The following BTNL2 variants were observed in gnomAD, a reference collection of about 807,000 sequenced individuals.
BTNL2 encodes butyrophilin like 2.
BTNL2 carries 46 observed loss-of-function variants against 46.8 expected under a neutral mutation model. That is an observed-to-expected ratio of 0.98 (90% CI 0.78 to 1.26). The LOEUF (loss-of-function observed/expected upper bound fraction) is 1.26, where lower values mean the gene tolerates loss of function less well. Among genes scored for constraint, BTNL2 ranks in the 50% most tolerant of loss-of-function variants. BTNL2 has a pLI of 0.00. For missense variants in BTNL2, 461 were observed against 592.6 expected, an observed-to-expected ratio of 0.78 and a Z score of 2.31; for synonymous variants, 226 against 229.1, an observed-to-expected ratio of 0.99 and a Z score of 0.12.
At chr6:32,405,842 C>G (rs1232826566) in intron 1 of BTNL2, among the ~76,000 whole-genome samples, 1 of 135,304 alleles carries the variant, frequency 7.4e-6, no homozygotes, top group South Asian at 2.8e-4. Flanking sequence ...TGTTTTTTTC[C>G]CGTCTGGAGT....
intron 2 of BTNL2, among the ~76,000 whole-genome samples, chr6:32,404,087 A>T (rs1244107120): frequency 6.6e-6 from 1 of 152,106 alleles, no homozygotes; most frequent in East Asian, 1.9e-4. Context: ...CACCTTGAAC[A>T]CAGTAACAGT....
chr6:32,395,132 AAAAGC>A, intron 5 of BTNL2, 107 bp from the exon 6 acceptor site: 4 of 1,219,032 alleles, frequency 3.3e-6, no homozygotes, highest in South Asian at 1.5e-5. Context: ...GGGAAGGGAG[AAAAGC>A]TTAAGGGGGA....
chr6:32,401,912 A>G (rs1331197659), intron 3 of BTNL2, 107 bp from the exon 4 acceptor site: 2 of 828,666 alleles, frequency 2.4e-6, no homozygotes, highest in East Asian at 2.9e-5. Flanking sequence ...GGGAAGCTCA[A>G]TTCATTAAAA....
chr6:32,405,380 T>A, intron 1 of BTNL2, 94 bp from the exon 2 acceptor site: 1 of 1,097,254 alleles, frequency 9.1e-7, no homozygotes, highest in Non-Finnish European at 1.4e-6. Flanking sequence ...TGGAGGCAAC[T>A]AGAAGAGGGA....
Position 32,396,083 on chromosome 6 carries a change from T to G in BTNL2, c.1034A>C (p.Lys345Thr). Residue 345 changes from lysine (K) to threonine (T), a missense_variant, in exon 5 of 8, where the codon AAA becomes ACA. Transcript: ENST00000454136. The surrounding 1 kb of genome is among the most constrained non-coding windows in gnomAD (Gnocchi z 4.4). ...DDGQYRCLFE[K>T]DDVYQEASLD... ...ACTGGCCTCCTGGTAGACATCATCT[T>G]TTTCAAAAAGGCAGCGGTACTGCCC... The G allele has an allele frequency of 6.2e-7, 1 of 1,613,090 alleles. No individual in the cohort carries two copies. The highest frequency in any genetic ancestry group is 8.5e-7 in the Non-Finnish European group (1 of 1,180,030).
At chr6:32,401,594 AAC>A (rs1776788759) in intron 4 of BTNL2, among the ~76,000 whole-genome samples, 189 bp downstream of exon 4, 1 of 152,206 alleles carries the variant, frequency 6.6e-6, no homozygotes, top group South Asian at 2.1e-4. Context: ...AGTGTCAGGT[AAC>A]ACAGCTGCAA....
chr6:32,393,617 C>A lies in BTNL2; in HGVS notation c.*7-228G>T. On this transcript the variant is annotated intron_variant, in intron 7 of 7. Coordinates refer to ENST00000454136, the MANE Select transcript of BTNL2 (RefSeq NM_001304561.2). The surrounding 1 kb of genome is among the most constrained non-coding windows in gnomAD (Gnocchi z 4.8). The stretch of plus-strand genomic sequence containing the variant: ...GATCATAGGAAATTGTTCACGCCAA[C>A]AAATCTCAGTGAACCTCAGCTCTCA... 5.8e-6 allele frequency: 1 copy of A among 172,394 alleles called. No homozygotes were observed. The highest frequency in any genetic ancestry group is 6.3e-5 in the Admixed American group (1 of 15,844). The allele number at this position is 172,394 out of a possible 1,614,324, so 10.7% of individuals were successfully genotyped here.
Position 32,394,721 on chromosome 6 carries a change from A to G in BTNL2, c.1360+23T>C. On this transcript the variant is annotated intron_variant, in intron 6 of 7. Coordinates refer to ENST00000454136, the MANE Select transcript of BTNL2 (RefSeq NM_001304561.2). The surrounding 1 kb of genome is among the most constrained non-coding windows in gnomAD (Gnocchi z 4.6). ...TCTTCATATTTATTTTCCAAACCTG[A>G]AGGAACATAAGGAATCACCAACCTG... The G allele has an allele frequency of 6.3e-7, 1 of 1,596,836 alleles. No homozygotes were observed. The highest frequency in any genetic ancestry group is 2.2e-5 in the East Asian group (1 of 44,544).
intron 1 of BTNL2, chr6:32,406,429 C>T (rs1441037192): frequency 6.6e-6 from 1 of 151,092 alleles, no homozygotes; most frequent in African/African-American, 2.5e-5. Context: ...AGAGCCTGCG[C>T]CCTCTGATGC....
At chr6:32,404,818 AG>A in intron 2 of BTNL2, 120 bp downstream of exon 2, 2 of 916,246 alleles carry the variant, frequency 2.2e-6, no homozygotes, top group Non-Finnish European at 3.4e-6. Flanking sequence ...ATCAGGGTAG[AG>A]GACTAAGCAT....
chr6:32,395,124 G>A, intron 5 of BTNL2, 99 bp from the exon 6 acceptor site: 9 of 1,306,280 alleles, frequency 6.9e-6, no homozygotes, highest in Non-Finnish European at 9.4e-6. Flanking sequence ...AGGGCTTGGG[G>A]AAGGGAGAAA....
chr6:32,404,064 A>C (rs762905086), intron 2 of BTNL2, among the ~76,000 whole-genome samples: 1 of 152,162 alleles, frequency 6.6e-6, no homozygotes. Context: ...GTATTCCTCC[A>C]TCCATTTTGA....
At chr6:32,405,455 G>T (rs10947261) in intron 1 of BTNL2, 169 bp from the exon 2 acceptor site, 90,003 of 776,078 alleles carry the variant, frequency 0.12, 7,450 homozygotes, top group East Asian at 0.36. Flanking sequence ...TTGTTACAGA[G>T]TCAATTTTGT....
At position 32,396,146 on chromosome 6, in the gene BTNL2, A is replaced by C; in HGVS notation, c.971T>G (p.Leu324Arg). The C allele has an allele frequency of 1.2e-6, 2 of 1,613,112 alleles. No individual in the cohort carries two copies. The highest frequency in any genetic ancestry group is 1.7e-6 in the Non-Finnish European group (2 of 1,180,034). The change falls in exon 5 of 8, where the codon CTG (leucine) becomes CGG (arginine). Residue 324 changes from leucine (L) to arginine (R), a missense_variant. Physicochemically the swap from Leu to Arg is moderately radical, Grantham distance 102 (BLOSUM62 -2). Transcript: ENST00000454136. This position sits in a 1 kb window ranked among gnomAD's most constrained non-coding sequence, Gnocchi z 4.4. ...LVSDAIDEGRLTLQILSARPS... is the reference protein window; with the variant it reads ...LVSDAIDEGRRTLQILSARPS... ...TCTGGCACTGAGTATCTGCAGGGTC[A>C]GTCTGCCCTCGTCAATGGCGTCACT... is the stretch of plus-strand genomic sequence containing the variant.
chr6:32,396,477 C>T lies in BTNL2; in HGVS notation c.731-91G>A. The T allele has an allele frequency of 7.9e-7, 1 of 1,266,124 alleles. No individual in the cohort carries two copies. Among genetic ancestry groups the T allele is most frequent in the Non-Finnish European group, 1.1e-6 (1 of 900,048 alleles). The allele number at this position is 1,266,124 out of a possible 1,614,324, so 78.4% of individuals were successfully genotyped here. A position where few individuals can be genotyped will look rare whatever the true frequency, so the allele number is the denominator to read the frequency against. ...GAACAGCTCCATTGGAGTTTAGAAA[C>T]CATGAGCATCCCAGGGTTGCTGTGA... On this transcript the variant is annotated intron_variant, in intron 4 of 7. Coordinates refer to ENST00000454136, the MANE Select transcript of BTNL2 (RefSeq NM_001304561.2). The surrounding 1 kb of genome is among the most constrained non-coding windows in gnomAD (Gnocchi z 4.4).
intron 4 of BTNL2, among the ~76,000 whole-genome samples, chr6:32,401,264 C>T (rs545191910): frequency 7.1e-6 from 1 of 141,278 alleles, no homozygotes; most frequent in African/African-American, 2.7e-5. Flanking sequence ...TCACAGTATC[C>T]CAGGTTGCAC....
intron 1 of BTNL2, chr6:32,406,499 CCTT>C (rs1777159343): frequency 6.8e-6 from 1 of 147,182 alleles, no homozygotes; most frequent in South Asian, 2.2e-4. Context: ...TCTGACATCT[CCTT>C]CTGACACTGA....
At position 32,394,447 on chromosome 6, in the gene BTNL2, TCA is replaced by T. The variant is rs1224482987; in HGVS notation, c.1360+295_1360+296del. Among the ~76,000 whole-genome samples, 1 of 151,242 alleles carries T rather than the reference TCA, an allele frequency of 6.6e-6. No homozygotes were observed. The highest frequency in any genetic ancestry group is 2.0e-4 in the East Asian group (1 of 5,118). ...ACAAAGTTCTGTAATTTAATTGTTT[TCA>T]CATCAGAAGAAGAGAATTTAAAGAG... is the stretch of plus-strand genomic sequence containing the variant. On this transcript the variant is annotated intron_variant, in intron 6 of 7. Transcript: ENST00000454136. The surrounding 1 kb of genome is among the most constrained non-coding windows in gnomAD (Gnocchi z 4.6).
chr6:32,400,652 T>C (rs534499479), intron 4 of BTNL2, among the ~76,000 whole-genome samples: 55 of 122,296 alleles, frequency 4.5e-4, no homozygotes, highest in Admixed American at 2.7e-3. Flanking sequence ...CTCATGCCTG[T>C]AATCCCAGCA....
Sources: gnomAD v4.1 joint callset for allele counts (sites outside exome capture counted in the v4.1 genomes callset) on GRCh38, gnomAD v4.1.1 for gene constraint, Gnocchi (gnomAD v3.1) non-coding constraint, MANE v1.5 for transcripts, NCBI Gene and HGNC (gene_info 2026-07-23, HGNC 2026-07-21) for gene names.